The following ZNF676 variants were observed in gnomAD, a reference collection of about 807,000 sequenced individuals.
ZNF676 encodes zinc finger protein 676.
Under a neutral mutation model 6.0 loss-of-function variants are expected in ZNF676, and 4 were observed. The ratio of observed to expected loss-of-function variants is 0.67; its 90% CI spans 0.33 to 1.53. The LOEUF is 1.53. Ranked by LOEUF, ZNF676 falls within the 40% of genes most tolerant of loss-of-function variation. The pLI is 0.06. For missense variants in ZNF676, 644 were observed against 679.7 expected (o/e 0.95, Z 0.58); for synonymous variants, 198 against 223.1 (o/e 0.89, Z 1.00).
At chr19:22,183,186 G>A (rs1206212889) in intron 2 of ZNF676, among the ~76,000 whole-genome samples, 1 of 151,604 alleles carries the variant, frequency 6.6e-6, no homozygotes, top group Non-Finnish European at 1.5e-5. Flanking sequence ...AAACCAGAAA[G>A]AAACAAAGGA....
At chr19:22,200,742 A>G (rs1263860133), upstream of ZNF676, among the ~76,000 whole-genome samples, 1 of 151,704 alleles carries the variant, frequency 6.6e-6, no homozygotes, top group Non-Finnish European at 1.5e-5. Context: ...TGAAATCCCT[A>G]TTTCACCATG....
the ZNF676 span, among the ~76,000 whole-genome samples, chr19:22,226,646 G>A: frequency 6.6e-6 from 1 of 151,148 alleles, no homozygotes; most frequent in African/African-American, 2.4e-5. Flanking sequence ...ATCCAGGCAG[G>A]AGTGCAGTGG....
At chr19:22,252,425 A>G in the ZNF676 span, among the ~76,000 whole-genome samples, 1 of 144,122 alleles carries the variant, frequency 6.9e-6, no homozygotes, top group African/African-American at 2.5e-5. Flanking sequence ...GTAGGAAAGA[A>G]AGAAAGAAAA....
Position 22,179,668 on chromosome 19 carries a change from C to T in ZNF676, c.*282G>A. On this transcript the variant is annotated 3_prime_UTR_variant, in exon 3 of 3. Transcript: ENST00000397121. ...TTTATGAGTAGTAAGGTGTGAGGAA[C>T]AGTTGAAGTCTTTATCACATTCTTC... 1 of 626,714 alleles carries T rather than the reference C, an allele frequency of 1.6e-6. No individual in the cohort carries two copies. The highest frequency in any genetic ancestry group is 2.9e-6 in the Non-Finnish European group (1 of 342,098). 38.8% of individuals were successfully genotyped at this position (626,714 alleles called of 1,614,324 possible).
chr19:22,212,521 A>G (rs1396989267), intron 1 of ZNF676, among the ~76,000 whole-genome samples: 1 of 151,942 alleles, frequency 6.6e-6, no homozygotes, highest in Non-Finnish European at 1.5e-5. Context: ...CCTGGCCAAC[A>G]TGGTGAACCC....
At chr19:22,214,834 T>C (rs1167398923) in intron 1 of ZNF676, among the ~76,000 whole-genome samples, 5 of 151,176 alleles carry the variant, frequency 3.3e-5, no homozygotes, top group Non-Finnish European at 7.4e-5. Context: ...GGTCAGGAGA[T>C]CGAGACTACC....
At chr19:22,188,530 G>A (rs1428185028) in intron 2 of ZNF676, among the ~76,000 whole-genome samples, 1 of 152,060 alleles carries the variant, frequency 6.6e-6, no homozygotes, top group Non-Finnish European at 1.5e-5. Flanking sequence ...GCAAGAAAAA[G>A]AAATAAATGA....
the ZNF676 span, among the ~76,000 whole-genome samples, chr19:22,249,088 T>G: frequency 2.6e-5 from 4 of 152,336 alleles, no homozygotes; most frequent in East Asian, 7.7e-4. Flanking sequence ...TAATAAATGC[T>G]TAAGTCTAAT....
At chr19:22,232,257 T>G in the ZNF676 span, among the ~76,000 whole-genome samples, 1 of 151,984 alleles carries the variant, frequency 6.6e-6, no homozygotes, top group Non-Finnish European at 1.5e-5. Flanking sequence ...AACTTCCACC[T>G]CCCAGGTTCA....
At chr19:22,240,421 T>G in the ZNF676 span, among the ~76,000 whole-genome samples, 1 of 151,910 alleles carries the variant, frequency 6.6e-6, no homozygotes, top group Non-Finnish European at 1.5e-5. Flanking sequence ...CAATGCTCCC[T>G]GTGAGCAGGG....
the ZNF676 span, among the ~76,000 whole-genome samples, chr19:22,256,388 T>TC: frequency 6.6e-6 from 1 of 152,164 alleles, no homozygotes; most frequent in South Asian, 2.1e-4. Flanking sequence ...TGTACAATAT[T>TC]CCCTGATAGA....
chr19:22,252,711 C>A, the ZNF676 span, among the ~76,000 whole-genome samples: 1 of 150,518 alleles, frequency 6.6e-6, no homozygotes, highest in Non-Finnish European at 1.5e-5. Flanking sequence ...GTCACAATGG[C>A]CCATGTGGGC....
chr19:22,205,986 A>C (rs1599717861), intron 1 of ZNF676, among the ~76,000 whole-genome samples: 1 of 151,804 alleles, frequency 6.6e-6, no homozygotes. Flanking sequence ...AATATACTGA[A>C]GTCTGCTATG....
the ZNF676 span, among the ~76,000 whole-genome samples, chr19:22,246,444 A>C: frequency 6.6e-6 from 1 of 152,180 alleles, no homozygotes; most frequent in Non-Finnish European, 1.5e-5. Flanking sequence ...GAGTCCAGGA[A>C]GGGGAGTCAC....
intron 1 of ZNF676, among the ~76,000 whole-genome samples, chr19:22,202,305 C>A (rs369632856): frequency 6.6e-6 from 1 of 152,142 alleles, no homozygotes; most frequent in Non-Finnish European, 1.5e-5. Flanking sequence ...CGGTTAATAT[C>A]TGACCTATAA....
intron 2 of ZNF676, among the ~76,000 whole-genome samples, chr19:22,185,824 G>T (rs1157079083): frequency 6.6e-6 from 1 of 152,074 alleles, no homozygotes; most frequent in African/African-American, 2.4e-5. Flanking sequence ...AAGAATACAA[G>T]ATTAGAGAAA....
At chr19:22,214,728 ATCT>A (rs1362045612) in intron 1 of ZNF676, among the ~76,000 whole-genome samples, 1 of 151,646 alleles carries the variant, frequency 6.6e-6, no homozygotes, top group Non-Finnish European at 1.5e-5. Flanking sequence ...AGAAATTTCC[ATCT>A]TCATGTTACA....
At chr19:22,250,180 C>A in the ZNF676 span, among the ~76,000 whole-genome samples, 1 of 147,262 alleles carries the variant, frequency 6.8e-6, no homozygotes, top group African/African-American at 2.5e-5. Context: ...GAAACTCCAT[C>A]TCAAAAAAAA....
rs1482983907 is a variant in ZNF676, at chr19:22,180,526, T to C, written c.1191A>G (p.Glu397=). ...AGGATGAGTTGGAAGCTTTGCCACA[T>C]TCTTCACATTTGTAGGGCTTCTCTT... ...HAEEKPYKCE[E]CGKASNSSSK... is the part of the protein sequence containing the mutation. Residue 397 remains glutamate, a synonymous_variant, in exon 3 of 3, where the codon GAA becomes GAG. Transcript: ENST00000397121. 1.2e-6 allele frequency: 2 copies of C among 1,611,980 alleles called. No individual in the cohort carries two copies. The highest frequency in any genetic ancestry group is 1.1e-5 in the South Asian group (1 of 90,974).
Sources: gnomAD v4.1 joint callset for allele counts (sites outside exome capture counted in the v4.1 genomes callset) on GRCh38, gnomAD v4.1.1 for gene constraint, MANE v1.5 for transcripts, NCBI Gene and HGNC (gene_info 2026-07-23, HGNC 2026-07-21) for gene names.